GAN: variants seen among roughly 807,000 people sequenced by gnomAD.
The protein encoded by GAN is epididymis secretory sperm binding protein.
GAN carries 48 observed loss-of-function variants against 71.3 expected under a neutral mutation model. The ratio of observed to expected loss-of-function variants is 0.67; its 90% CI spans 0.53 to 0.86. GAN has a LOEUF of 0.86. Ranked by LOEUF, GAN falls within the 40% of genes least tolerant of loss-of-function variation. The pLI, the probability that GAN is intolerant of heterozygous loss-of-function variation, is 0.00. For missense variants in GAN, 928 were observed against 770.1 expected (o/e 1.21, Z -2.43); for synonymous variants, 386 against 276.8 (o/e 1.39, Z -3.92).
intron 1 of GAN, among the ~76,000 whole-genome samples, chr16:81,332,396 C>G (rs959913814): frequency 1.3e-5 from 2 of 152,130 alleles, no homozygotes; most frequent in African/African-American, 4.8e-5. Context: ...CTACACTGGT[C>G]CTTGACTCAT....
rs558069891 is a variant in GAN, at chr16:81,351,883, A to G, written c.282+186A>G. On this transcript the variant is annotated intron_variant, in intron 2 of 10. Coordinates refer to ENST00000648994, the MANE Select transcript of GAN (RefSeq NM_022041.4). ...TGTGTTCTTCCATGGCTGTGCTCCT[A>G]GAGAAGCAGAGGAAGTAAGATCTTA... Among the ~76,000 whole-genome samples, 123 of 152,304 alleles carry G rather than the reference A, an allele frequency of 8.1e-4. 2 individuals are homozygous for G. Among genetic ancestry groups the G allele is most frequent in the South Asian group, 1.9e-3 (9 of 4,828 alleles).
At chr16:81,336,822 G>C (rs1280485975) in intron 1 of GAN, among the ~76,000 whole-genome samples, 3 of 152,034 alleles carry the variant, frequency 2.0e-5, no homozygotes, top group Non-Finnish European at 4.4e-5. Flanking sequence ...AAACTGAGAG[G>C]AAAGTACAAA....
At chr16:81,351,450 A>G in intron 1 of GAN, 133 bp from the exon 2 acceptor site, 1 of 645,818 alleles carries the variant, frequency 1.5e-6, no homozygotes, top group Admixed American at 2.4e-5. Flanking sequence ...ACCTAAAGTT[A>G]ACGAACTAAA....
intron 9 of GAN, among the ~76,000 whole-genome samples, chr16:81,369,464 ATTT>A (rs1316024665): frequency 6.6e-6 from 1 of 152,236 alleles, no homozygotes; most frequent in Non-Finnish European, 1.5e-5. Context: ...ATCTTGGAAA[ATTT>A]TTATTTCAAA....
At chr16:81,341,201 C>G (rs545467788) in intron 1 of GAN, among the ~76,000 whole-genome samples, 1 of 152,204 alleles carries the variant, frequency 6.6e-6, no homozygotes, top group Non-Finnish European at 1.5e-5. Flanking sequence ...GAGAATGGAA[C>G]CAAGTTGGAA....
chr16:81,369,860 G>A (rs1265641089), intron 9 of GAN, among the ~76,000 whole-genome samples: 1 of 152,168 alleles, frequency 6.6e-6, no homozygotes, highest in East Asian at 1.9e-4. Flanking sequence ...ATGAGCCACC[G>A]CGCCCAGCCG....
intron 1 of GAN, among the ~76,000 whole-genome samples, chr16:81,339,011 C>A (rs1209969377): frequency 6.6e-6 from 1 of 152,170 alleles, no homozygotes; most frequent in Non-Finnish European, 1.5e-5. Flanking sequence ...AGCAGTTTGA[C>A]AGAGTAATTT....
chr16:81,379,935 A>G lies in GAN; in HGVS notation c.*2339A>G, dbSNP rs1204820830. On this transcript the variant is annotated 3_prime_UTR_variant, in exon 11 of 11. Transcript: ENST00000648994. ...AATAGTGTTTTTTTTTTTTAATTTC[A>G]GTTCATTGACTCTATAACTGCAGAA... 1 of 151,878 alleles carries G rather than the reference A, an allele frequency of 6.6e-6. No individual in the cohort carries two copies. Among genetic ancestry groups the G allele is most frequent in the Admixed American group, 6.6e-5 (1 of 15,204 alleles). 9.4% of individuals were successfully genotyped at this position (151,878 alleles called of 1,614,324 possible).
At chr16:81,357,684 T>G (rs980378208) in intron 4 of GAN, 126 bp from the exon 5 acceptor site, 2 of 900,738 alleles carry the variant, frequency 2.2e-6, no homozygotes, top group Non-Finnish European at 1.8e-6. Context: ...ATCGTCACAC[T>G]GACTTCCACA....
chr16:81,376,993 C>G (rs1403944741), intron 9 of GAN, among the ~76,000 whole-genome samples: 2 of 152,200 alleles, frequency 1.3e-5, no homozygotes, highest in Non-Finnish European at 2.9e-5. Flanking sequence ...GGTTGGAAAG[C>G]ACATGCTGTT....
At chr16:81,367,282 G>A (rs1296613000) in intron 9 of GAN, among the ~76,000 whole-genome samples, 1 of 152,110 alleles carries the variant, frequency 6.6e-6, no homozygotes, top group Non-Finnish European at 1.5e-5. Context: ...CAACACTTTG[G>A]GAGGCCGACG....
chr16:81,330,590 C>A (rs980876856), intron 1 of GAN, among the ~76,000 whole-genome samples: 8 of 152,186 alleles, frequency 5.3e-5, no homozygotes, highest in African/African-American at 1.9e-4. Context: ...AAAAGAATTT[C>A]AATTCGTATA....
At chr16:81,357,138 G>A (rs1055073494) in intron 4 of GAN, 136 bp downstream of exon 4, 19 of 710,478 alleles carry the variant, frequency 2.7e-5, no homozygotes, top group Non-Finnish European at 4.4e-5. Flanking sequence ...TAAGTTTTAG[G>A]GTACATGTGC....
Position 81,375,075 on chromosome 16 carries a change from G to A in GAN, c.1503-2144G>A, listed in dbSNP as rs114846261. On this transcript the variant is annotated intron_variant, in intron 9 of 10. Coordinates refer to ENST00000648994, the MANE Select transcript of GAN (RefSeq NM_022041.4). ...GGCAAAGATTTTTTAGAATGACACA[G>A]AAACTGTGACTGTAAAAGAAGAAAA... 8.4e-3 allele frequency among the ~76,000 whole-genome samples: 1,282 copies of A among 152,164 alleles called. 18 individuals are homozygous for A. The highest frequency in any genetic ancestry group is 0.029 in the African/African-American group (1,221 of 41,518).
intron 1 of GAN, among the ~76,000 whole-genome samples, chr16:81,335,059 T>A (rs1044796205): frequency 1.3e-5 from 2 of 149,126 alleles, no homozygotes; most frequent in Admixed American, 6.9e-5. Context: ...GCTTGTTGTT[T>A]TAGACATGGT....
chr16:81,330,537 G>A (rs540606291), intron 1 of GAN, among the ~76,000 whole-genome samples: 1 of 152,334 alleles, frequency 6.6e-6, no homozygotes, highest in African/African-American at 2.4e-5. Context: ...ATGAATGCAT[G>A]AATAAACTAA....
In GAN at chr16:81,316,303, A is replaced by T. The variant is rs116521688; in HGVS notation, c.167+1023A>T. ...ACAATTGACAGGTCAGAAAAAGCAA[A>T]ATGATGTGTATTCTTAGCGCTTTGT... On this transcript the variant is annotated intron_variant, in intron 1 of 10. Coordinates refer to ENST00000648994, the MANE Select transcript of GAN (RefSeq NM_022041.4). Among the ~76,000 whole-genome samples, 1,058 of 152,172 alleles carry T rather than the reference A, an allele frequency of 7.0e-3. 19 individuals carry two copies. The highest frequency in any genetic ancestry group is 0.024 in the African/African-American group (1,009 of 41,492).
intron 1 of GAN, among the ~76,000 whole-genome samples, chr16:81,337,039 A>G (rs1469957432): frequency 1.3e-5 from 2 of 152,056 alleles, no homozygotes; most frequent in African/African-American, 2.4e-5. Flanking sequence ...ATCCACTATT[A>G]CAGTATCACC....
rs777492202 is a variant in GAN, at chr16:81,387,911, A to T, written c.*10315A>T. ...AGATTTATAGGCTGGGATGCACACC[A>T]TGTCTTCAGAGCTAGCCGGCTGTGT... On this transcript the variant is annotated 3_prime_UTR_variant, in exon 11 of 11. Coordinates refer to ENST00000648994, the MANE Select transcript of GAN (RefSeq NM_022041.4). 1 of 152,204 alleles carries T rather than the reference A, an allele frequency of 6.6e-6. No homozygotes were observed. The highest frequency in any genetic ancestry group is 2.4e-5 in the African/African-American group (1 of 41,458). The allele number at this position is 152,204 out of a possible 1,614,324, so 9.4% of individuals were successfully genotyped here.
Sources: allele counts gnomAD v4.1 joint callset (sites outside exome capture counted in the v4.1 genomes callset), GRCh38; gene constraint gnomAD v4.1.1; transcripts MANE v1.5; gene names NCBI Gene and HGNC (gene_info 2026-07-23, HGNC 2026-07-21).